Variants in PRKAR2A observed in about 807,000 individuals in gnomAD.
PRKAR2A encodes the protein protein kinase cAMP-dependent type II regulatory subunit alpha, also known as cAMP-dependent protein kinase type II-alpha regulatory subunit.
A neutral mutation model predicts 51.9 loss-of-function variants in PRKAR2A; 29 were observed. The observed-to-expected ratio is 0.56, with a 90% CI of 0.42 to 0.76. The LOEUF (loss-of-function observed/expected upper bound fraction) is 0.76. PRKAR2A is among the 30% of genes least tolerant of loss of function. PRKAR2A has a pLI of 0.00. For synonymous variants in PRKAR2A, 178 were observed against 186.2 expected, an observed-to-expected ratio of 0.96 and a Z score of 0.36; for missense variants, 445 against 512.1, an observed-to-expected ratio of 0.87 and a Z score of 1.26.
intron 1 of PRKAR2A, among the ~76,000 whole-genome samples, chr3:48,838,983 CA>C (rs940746232): frequency 1.2e-4 from 16 of 134,840 alleles, no homozygotes; most frequent in Non-Finnish European, 1.3e-4. Context: ...GACTCCGTCT[CA>C]AAAAAAAAAA....
At chr3:48,829,847 G>GTGTATA (rs777532795) in intron 1 of PRKAR2A, among the ~76,000 whole-genome samples, 2,877 of 63,442 alleles carry the variant, frequency 0.045, 78 homozygotes, top group Non-Finnish European at 0.058. Context: ...ATGCGTGTGT[G>GTGTATA]TATATATATA....
At chr3:48,752,368 G>A (rs1410586795) in intron 9 of PRKAR2A, 51 bp from the exon 10 acceptor site, 1 of 1,584,928 alleles carries the variant, frequency 6.3e-7, no homozygotes, top group Non-Finnish European at 8.6e-7. Context: ...TCACAGCTGG[G>A]CATGTCCAGT....
intron 1 of PRKAR2A, among the ~76,000 whole-genome samples, chr3:48,839,855 T>A (rs2083348103): frequency 1.3e-5 from 2 of 152,244 alleles, no homozygotes; most frequent in South Asian, 4.1e-4. Context: ...TTTTTCTTCC[T>A]TTTTAAATTG....
At chr3:48,821,099 T>G (rs1184732750) in intron 1 of PRKAR2A, among the ~76,000 whole-genome samples, 1 of 152,190 alleles carries the variant, frequency 6.6e-6, no homozygotes, top group African/African-American at 2.4e-5. Flanking sequence ...GAATGATTAG[T>G]CCAGCGTAAG....
chr3:48,777,249 C>T (rs938358151), intron 5 of PRKAR2A, among the ~76,000 whole-genome samples: 2 of 152,262 alleles, frequency 1.3e-5, no homozygotes, highest in East Asian at 3.9e-4. Context: ...GAGTAATAAA[C>T]CTTTTCATAC....
chr3:48,764,407 C>T (rs3774628), intron 8 of PRKAR2A, among the ~76,000 whole-genome samples: 95,357 of 151,932 alleles, frequency 0.63, 31,067 homozygotes, highest in East Asian at 0.94. Flanking sequence ...TTAACCTTCC[C>T]CAGGTTCTAA....
rs1279058343 is a variant in PRKAR2A, at chr3:48,828,331, T to C, written c.262+19004A>G. ...TCTCTTGCTTCAGCCTCAGGGTAGC[T>C]GGGACTACAGACACTCAGCTCTTCT... On this transcript the variant is annotated intron_variant, in intron 1 of 10. Transcript: ENST00000265563. 2.0e-5 allele frequency among the ~76,000 whole-genome samples: 3 copies of C among 152,130 alleles called. No homozygotes were observed. In the South Asian group the frequency reaches 6.2e-4, roughly 32 times the overall value.
chr3:48,763,238 T>C (rs1269188952), intron 8 of PRKAR2A, among the ~76,000 whole-genome samples: 1 of 152,210 alleles, frequency 6.6e-6, no homozygotes, highest in African/African-American at 2.4e-5. Context: ...TGCTGATTGC[T>C]GCTGGTCCTG....
At chr3:48,811,133 T>C (rs1207029868) in intron 1 of PRKAR2A, among the ~76,000 whole-genome samples, 4 of 151,862 alleles carry the variant, frequency 2.6e-5, no homozygotes, top group Admixed American at 1.3e-4. Flanking sequence ...ACCATGATTG[T>C]ACCACTGCAC....
intron 2 of PRKAR2A, among the ~76,000 whole-genome samples, chr3:48,796,482 G>T (rs965818756): frequency 2.0e-5 from 3 of 151,864 alleles, no homozygotes; most frequent in African/African-American, 7.3e-5. Flanking sequence ...TGCTCTTTTT[G>T]CTTTCTCTAC....
intron 1 of PRKAR2A, among the ~76,000 whole-genome samples, chr3:48,815,212 C>G (rs1462012483): frequency 6.6e-6 from 1 of 152,022 alleles, no homozygotes; most frequent in Non-Finnish European, 1.5e-5. Context: ...CTGCACCCAG[C>G]CTTCAATTTA....
chr3:48,768,844 A>C (rs2081979428), intron 6 of PRKAR2A, among the ~76,000 whole-genome samples: 1 of 151,858 alleles, frequency 6.6e-6, no homozygotes, highest in African/African-American at 2.4e-5. Context: ...CACGCCTGTA[A>C]TCCCAGCACT....
At chr3:48,773,698 T>A (rs2082063834) in intron 5 of PRKAR2A, among the ~76,000 whole-genome samples, 1 of 151,796 alleles carries the variant, frequency 6.6e-6, no homozygotes, top group South Asian at 2.1e-4. Context: ...TCCTTTCCAA[T>A]CTATATGCCC....
intron 9 of PRKAR2A, among the ~76,000 whole-genome samples, chr3:48,753,298 T>C (rs1439033070): frequency 1.3e-5 from 2 of 152,062 alleles, no homozygotes; most frequent in Non-Finnish European, 2.9e-5. Context: ...TAGAGGTTTT[T>C]TTTTTTAACA....
rs772975193 is a variant in PRKAR2A at position 48,762,722 on chromosome 3, T to C, written c.873+2282A>G. ...GTTATGGTGAGCTGAGATTGCGCCA[T>C]TGCACTCCAGCCTGGGCAACAAGAG... On this transcript the variant is annotated intron_variant, in intron 8 of 10. Coordinates refer to ENST00000265563, the MANE Select transcript of PRKAR2A (RefSeq NM_004157.4). Among the ~76,000 whole-genome samples, 6 of 151,834 alleles carry C rather than the reference T, an allele frequency of 4.0e-5. No individual in the cohort carries two copies. The South Asian group carries it at 1.0e-3, about 26-fold the overall frequency.
chr3:48,815,852 C>G (rs1269722583), intron 1 of PRKAR2A, among the ~76,000 whole-genome samples: 1 of 151,422 alleles, frequency 6.6e-6, no homozygotes, highest in East Asian at 1.9e-4. Flanking sequence ...AACCCCATCT[C>G]TACTAAAAAT....
At chr3:48,829,488 C>T (rs1169028477) in intron 1 of PRKAR2A, among the ~76,000 whole-genome samples, 1 of 150,614 alleles carries the variant, frequency 6.6e-6, no homozygotes, top group African/African-American at 2.4e-5. Context: ...CACTGCATTC[C>T]AACCTGGGCA....
chr3:48,782,047 C>G (rs906583215), intron 5 of PRKAR2A, among the ~76,000 whole-genome samples: 2 of 152,164 alleles, frequency 1.3e-5, no homozygotes, highest in Non-Finnish European at 2.9e-5. Flanking sequence ...GCTCCAAAAA[C>G]CATTTTATTT....
chr3:48,803,108 T>C (rs1007019154), intron 2 of PRKAR2A, among the ~76,000 whole-genome samples: 2 of 152,088 alleles, frequency 1.3e-5, no homozygotes, highest in African/African-American at 2.4e-5. Flanking sequence ...GAAAGACTTA[T>C]CTAGGAGAAC....
Sources: allele counts gnomAD v4.1 joint callset (sites outside exome capture counted in the v4.1 genomes callset), GRCh38; gene constraint gnomAD v4.1.1; transcripts MANE v1.5; gene names NCBI Gene and HGNC (gene_info 2026-07-23, HGNC 2026-07-21).